The following CUL1 variants were observed in gnomAD, a reference collection of about 807,000 sequenced individuals.
CUL1 encodes the protein cullin 1, also known as cullin-1.
Under a neutral mutation model 118.0 loss-of-function variants are expected in CUL1, and 24 were observed. The observed-to-expected ratio is 0.20, with a 90% CI of 0.15 to 0.29. CUL1 has a LOEUF of 0.29. Among genes scored for constraint, CUL1 ranks in the 10% least tolerant of loss-of-function variants. The probability of loss-of-function intolerance (pLI) is 1.00; values close to 1 mark genes in which losing one functional copy is unlikely to be tolerated. For missense variants in CUL1, 361 were observed against 933.8 expected (o/e 0.39, Z 7.99); for synonymous variants, 332 against 340.4 (o/e 0.98, Z 0.27).
chr7:148,790,201 T>C lies in CUL1; in HGVS notation c.1675-109T>C, dbSNP rs566687713. 1.3e-4 allele frequency: 162 copies of C among 1,203,546 alleles called. No individual in the cohort carries two copies. The Middle Eastern group carries it at 1.5e-3, about 11-fold the overall frequency. The allele number at this position is 1,203,546 out of a possible 1,614,324, so 74.6% of individuals were successfully genotyped here. On this transcript the variant is annotated intron_variant, in intron 15 of 21. Coordinates refer to ENST00000325222, the MANE Select transcript of CUL1 (RefSeq NM_003592.3). Reference sequence around the variant, plus strand: ...CTGGCGTTTGTATTTTACTTTTATGTAAGCACTGACTTTGTACTGTAAGCT... The same window carrying C: ...CTGGCGTTTGTATTTTACTTTTATGCAAGCACTGACTTTGTACTGTAAGCT...
intron 9 of CUL1, 104 bp from the exon 10 acceptor site, chr7:148,783,679 T>G: frequency 6.4e-7 from 1 of 1,570,206 alleles, no homozygotes; most frequent in Non-Finnish European, 8.7e-7. Context: ...AAGGTATCTA[T>G]AGCTTTTAGA....
At chr7:148,779,609 T>C (rs893057769) in intron 9 of CUL1, among the ~76,000 whole-genome samples, 22 of 152,142 alleles carry the variant, frequency 1.4e-4, no homozygotes, top group Non-Finnish European at 2.9e-4. Context: ...TTGATGATAT[T>C]GGCTTAATCC....
chr7:148,730,888 C>T (rs1454844609), intron 2 of CUL1, among the ~76,000 whole-genome samples: 3 of 152,064 alleles, frequency 2.0e-5, no homozygotes, highest in Non-Finnish European at 2.9e-5. Flanking sequence ...CACAGCTCAC[C>T]GCAGCCTCAA....
intron 3 of CUL1, among the ~76,000 whole-genome samples, chr7:148,756,296 C>G (rs939334613): frequency 1.3e-5 from 2 of 151,858 alleles, no homozygotes; most frequent in Non-Finnish European, 2.9e-5. Context: ...TAGTATTAGT[C>G]TCATTGTCTG....
intron 1 of CUL1, among the ~76,000 whole-genome samples, chr7:148,702,138 A>G (rs996088848): frequency 2.0e-5 from 3 of 152,226 alleles, no homozygotes; most frequent in African/African-American, 7.2e-5. Flanking sequence ...CTGAGGACAT[A>G]ATTTCCTGTT....
In CUL1 at chr7:148,800,399, A is replaced by G. The variant is rs1801348006; in HGVS notation, c.2251-103A>G. 1.1e-6 allele frequency: 1 copy of G among 903,736 alleles called. No homozygotes were observed. Among genetic ancestry groups the G allele is most frequent in the African/African-American group, 1.6e-5 (1 of 60,634 alleles). 56.0% of individuals were successfully genotyped at this position (903,736 alleles called of 1,614,324 possible). ...GGACACTGCTCCCCACTGAGCTCCG[A>G]ATCAGGGGAGATTTGTGGTGGGGGC... is the stretch of plus-strand genomic sequence containing the variant. On this transcript the variant is annotated intron_variant, in intron 21 of 21. Coordinates refer to ENST00000325222, the MANE Select transcript of CUL1 (RefSeq NM_003592.3). The surrounding 1 kb of genome is among the most constrained non-coding windows in gnomAD (Gnocchi z 4.6).
intron 9 of CUL1, among the ~76,000 whole-genome samples, chr7:148,774,799 CA>C (rs1800343945): frequency 1.3e-5 from 2 of 152,200 alleles, no homozygotes; most frequent in Admixed American, 1.3e-4. Flanking sequence ...GGGCTGCAGA[CA>C]CTGACTGGGG....
intron 7 of CUL1, among the ~76,000 whole-genome samples, chr7:148,763,533 C>T (rs562292417): frequency 1.3e-5 from 2 of 152,266 alleles, no homozygotes; most frequent in South Asian, 4.1e-4. Flanking sequence ...TGCTTCTGTT[C>T]CTCAAATTCC....
chr7:148,736,084 G>A (rs1490924092), intron 2 of CUL1, among the ~76,000 whole-genome samples: 2 of 151,438 alleles, frequency 1.3e-5, no homozygotes, highest in Non-Finnish European at 2.9e-5. Flanking sequence ...TGAGGCAGGA[G>A]AAACACTTGC....
chr7:148,699,454 C>T (rs996035244), intron 1 of CUL1, among the ~76,000 whole-genome samples: 3 of 152,038 alleles, frequency 2.0e-5, no homozygotes, highest in Non-Finnish European at 4.4e-5. Context: ...AGGCGACCTC[C>T]GCGGGACGCC....
chr7:148,756,920 G>A (rs1053295985), intron 3 of CUL1, 63 bp from the exon 4 acceptor site: 48 of 1,190,218 alleles, frequency 4.0e-5, no homozygotes, highest in South Asian at 7.7e-5. Flanking sequence ...GTTATTCACC[G>A]TTATTTTTAA....
intron 1 of CUL1, among the ~76,000 whole-genome samples, chr7:148,699,372 C>T (rs907470810): frequency 1.3e-5 from 2 of 152,058 alleles, no homozygotes; most frequent in Non-Finnish European, 2.9e-5. Flanking sequence ...CCCGCCGCGA[C>T]CGGGCTGGGT....
intron 19 of CUL1, among the ~76,000 whole-genome samples, chr7:148,798,283 C>A (rs1486503643): frequency 1.3e-5 from 2 of 152,038 alleles, no homozygotes; most frequent in Non-Finnish European, 2.9e-5. Context: ...ACCTTTGTGT[C>A]CAAGTGGCTT....
At chr7:148,769,764 G>A (rs1201625927) in intron 9 of CUL1, among the ~76,000 whole-genome samples, 1 of 152,156 alleles carries the variant, frequency 6.6e-6, no homozygotes, top group African/African-American at 2.4e-5. Context: ...GTGTAGTGGT[G>A]TGTACCTATA....
At chr7:148,733,790 A>G (rs1219370558) in intron 2 of CUL1, among the ~76,000 whole-genome samples, 5 of 152,220 alleles carry the variant, frequency 3.3e-5, no homozygotes, top group Admixed American at 1.3e-4. Flanking sequence ...TTTCCTTCCC[A>G]TAACTCTGGC....
At chr7:148,768,835 G>C (rs542504158) in intron 9 of CUL1, among the ~76,000 whole-genome samples, 2 of 151,812 alleles carry the variant, frequency 1.3e-5, no homozygotes, top group African/African-American at 2.4e-5. Context: ...TCTTTTGAAG[G>C]CTTCTTTTCC....
chr7:148,781,123 C>T (rs11978925), intron 9 of CUL1, among the ~76,000 whole-genome samples: 21,378 of 141,038 alleles, frequency 0.15, 1,712 homozygotes, highest in East Asian at 0.23. Context: ...GCACCGTCAC[C>T]TGGGCTGGAA....
chr7:148,743,723 T>C (rs243496), intron 2 of CUL1, among the ~76,000 whole-genome samples: 46,690 of 151,252 alleles, frequency 0.31, 7,979 homozygotes, highest in South Asian at 0.46. Flanking sequence ...ATGCCAGGAG[T>C]TCAAGACCAG....
intron 1 of CUL1, among the ~76,000 whole-genome samples, chr7:148,703,111 A>G (rs560420241): frequency 7.9e-5 from 12 of 152,296 alleles, no homozygotes; most frequent in African/African-American, 2.9e-4. Flanking sequence ...ATGTTCCCTG[A>G]GTGTTTGACT....
Sources: gnomAD v4.1 joint callset for allele counts (sites outside exome capture counted in the v4.1 genomes callset) on GRCh38, gnomAD v4.1.1 for gene constraint, Gnocchi (gnomAD v3.1) non-coding constraint, MANE v1.5 for transcripts, NCBI Gene and HGNC (gene_info 2026-07-23, HGNC 2026-07-21) for gene names.